Variants in TDRD12 observed in about 807,000 individuals in gnomAD.
The protein encoded by TDRD12 is tudor domain containing 12.
In TDRD12, 158 loss-of-function variants were observed where a neutral mutation model predicts 133.5. The observed-to-expected ratio is 1.18, with a 90% CI of 1.04 to 1.35. TDRD12 has a LOEUF of 1.35. Ranked by LOEUF, TDRD12 falls within the 40% of genes most tolerant of loss-of-function variation. The probability of loss-of-function intolerance (pLI) is 0.00; values close to 1 mark genes in which losing one functional copy is unlikely to be tolerated. For missense variants in TDRD12, 1,443 were observed against 1,321.3 expected (o/e 1.09, Z -1.43); for synonymous variants, 460 against 477.9 (o/e 0.96, Z 0.49).
chr19:32,720,384 A>C, intron 1 of TDRD12, among the ~76,000 whole-genome samples: 1 of 30,586 alleles, frequency 3.3e-5, no homozygotes, highest in Non-Finnish European at 6.1e-5. Context: ...CCCAACCCAC[A>C]CATCCTCCCA....
intron 3 of TDRD12, among the ~76,000 whole-genome samples, chr19:32,742,449 C>T (rs1464683223): frequency 6.6e-6 from 1 of 152,144 alleles, no homozygotes; most frequent in African/African-American, 2.4e-5. Context: ...GTGTGAACCA[C>T]CACACCTGGC....
intron 15 of TDRD12, 145 bp downstream of exon 15, chr19:32,798,036 A>G (rs1971281022): frequency 1.7e-6 from 1 of 590,754 alleles, no homozygotes; most frequent in Admixed American, 3.0e-5. Flanking sequence ...GTCCAGACCT[A>G]CTTGTCAGCT....
chr19:32,740,980 C>G (rs1969407839), intron 3 of TDRD12, among the ~76,000 whole-genome samples: 2 of 152,170 alleles, frequency 1.3e-5, no homozygotes, highest in African/African-American at 4.8e-5. Context: ...AGTTTCCCGT[C>G]CCAGGGTAAG....
chr19:32,802,096 T>G (rs1971405098), intron 19 of TDRD12, among the ~76,000 whole-genome samples: 1 of 149,024 alleles, frequency 6.7e-6, no homozygotes, highest in Non-Finnish European at 1.5e-5. Flanking sequence ...AGTCTAGACA[T>G]TCTCCCTAGA....
chr19:32,778,119 G>T lies in TDRD12; in HGVS notation c.1121+890G>T, dbSNP rs1305473143. 2.0e-5 allele frequency among the ~76,000 whole-genome samples: 3 copies of T among 151,848 alleles called. No homozygotes were observed. The East Asian group carries it at 5.8e-4, about 29-fold the overall frequency. On this transcript the variant is annotated intron_variant, in intron 11 of 27. Coordinates refer to ENST00000444215, the Ensembl canonical transcript of TDRD12. ...TGACAAAGTGTGAGACAGGTCAGAG[G>T]TGGGGAGGTCCTGCTGTTTCCACTG...
intron 19 of TDRD12, among the ~76,000 whole-genome samples, chr19:32,802,331 A>G (rs1197471489): frequency 6.6e-6 from 1 of 150,848 alleles, no homozygotes; most frequent in Non-Finnish European, 1.5e-5. Context: ...GACTATATAC[A>G]TATGACTATA....
chr19:32,786,590 A>G (rs1568477682), intron 11 of TDRD12, among the ~76,000 whole-genome samples: 1 of 152,120 alleles, frequency 6.6e-6, no homozygotes, highest in African/African-American at 2.4e-5. Flanking sequence ...CTTTTCACAT[A>G]GTCCCATATT....
chr19:32,720,025 G>C, exon 1 of TDRD12: 1 of 1,545,204 alleles, frequency 6.5e-7, no homozygotes, highest in Non-Finnish European at 8.7e-7. Context: ...CGCGACGGTA[G>C]GGGACTTCCA....
At chr19:32,754,984 T>C (rs539860238) in intron 6 of TDRD12, among the ~76,000 whole-genome samples, 1 of 152,240 alleles carries the variant, frequency 6.6e-6, no homozygotes, top group South Asian at 2.1e-4. Flanking sequence ...GAGGAAAAAA[T>C]GTGGGCCAGC....
chr19:32,815,363 C>A, intron 25 of TDRD12, 85 bp from the exon 26 acceptor site: 1 of 1,174,778 alleles, frequency 8.5e-7, no homozygotes, highest in Non-Finnish European at 1.2e-6. Flanking sequence ...GCTGAATGAA[C>A]CAGAGAGGCC....
intron 11 of TDRD12, among the ~76,000 whole-genome samples, chr19:32,781,465 T>G (rs1001184166): frequency 2.6e-5 from 4 of 152,202 alleles, no homozygotes; most frequent in Non-Finnish European, 4.4e-5. Flanking sequence ...CTTACTTGGT[T>G]TACTCCCTTG....
At chr19:32,759,580 C>G (rs1271565411) in intron 8 of TDRD12, among the ~76,000 whole-genome samples, 2 of 152,018 alleles carry the variant, frequency 1.3e-5, no homozygotes, top group Non-Finnish European at 2.9e-5. Context: ...GATTGTGCCA[C>G]TGCACTCCAG....
Position 32,747,458 on chromosome 19 carries a change from G to A in TDRD12, c.441-1018G>A, listed in dbSNP as rs367890442. Among the ~76,000 whole-genome samples, 8 of 152,264 alleles carry A rather than the reference G, an allele frequency of 5.3e-5. No individual in the cohort carries two copies. The South Asian group carries it at 1.2e-3, about 24-fold the overall frequency. On this transcript the variant is annotated intron_variant, in intron 4 of 27. Transcript: ENST00000444215. ...GTGTTCTATGTACATTATCTCATTT[G>A]ATCTTTAAAAGAATTCTTGGAGGAT...
chr19:32,744,149 C>G (rs1599846893), intron 4 of TDRD12, among the ~76,000 whole-genome samples: 1 of 152,154 alleles, frequency 6.6e-6, no homozygotes, highest in East Asian at 1.9e-4. Context: ...AATCATTCCC[C>G]TCTGTGTAGC....
intron 26 of TDRD12, among the ~76,000 whole-genome samples, chr19:32,817,804 G>A (rs997736187): frequency 1.3e-5 from 2 of 150,466 alleles, no homozygotes; most frequent in Admixed American, 6.7e-5. Context: ...GGGCTCTTCC[G>A]GGCGTGCCTC....
In TDRD12 at chr19:32,813,822, G is replaced by A. The variant is rs541733903; in HGVS notation, c.3141+46G>A. 3.3e-5 allele frequency: 36 copies of A among 1,099,456 alleles called. No homozygotes were observed. In the Admixed American group the frequency reaches 6.2e-4, roughly 19 times the overall value. The allele number at this position is 1,099,456 out of a possible 1,614,324, so 68.1% of individuals were successfully genotyped here. A position where few individuals can be genotyped will look rare whatever the true frequency, so the allele number is the denominator to read the frequency against. On this transcript the variant is annotated intron_variant, in intron 25 of 27. Transcript: ENST00000444215. ...AGAAATAAATTTGTTTGAATGGGCG[G>A]CTAAAATTATCCAGATTATTCTAAG...
At chr19:32,771,913 C>G (rs1568469046) in intron 8 of TDRD12, among the ~76,000 whole-genome samples, 1 of 152,174 alleles carries the variant, frequency 6.6e-6, no homozygotes, top group South Asian at 2.1e-4. Context: ...CTTGTCATTT[C>G]AATTTGTGTT....
chr19:32,802,069 A>G (rs1434767474), intron 19 of TDRD12, among the ~76,000 whole-genome samples, 196 bp downstream of exon 19: 1 of 150,456 alleles, frequency 6.6e-6, no homozygotes, highest in Non-Finnish European at 1.5e-5. Context: ...CTCTCAGGTC[A>G]GTGGGCAGCC....
intron 11 of TDRD12, among the ~76,000 whole-genome samples, chr19:32,777,812 CATATATATATATATATATATATATATAT>C (rs1165802411): frequency 0.018 from 512 of 27,690 alleles, 10 homozygotes; most frequent in Middle Eastern, 0.1. Context: ...AACTGATTTA[CATATATATATATATATATATATATATAT>C]ATATATATAT....
Sources: allele counts gnomAD v4.1 joint callset (sites outside exome capture counted in the v4.1 genomes callset), GRCh38; gene constraint gnomAD v4.1.1; transcripts MANE v1.5; gene names NCBI Gene and HGNC (gene_info 2026-07-23, HGNC 2026-07-21).